Variants in CPA3 observed in about 807,000 individuals in gnomAD.
CPA3 encodes the protein carboxypeptidase A3, also known as mast cell carboxypeptidase A.
A neutral mutation model predicts 55.8 loss-of-function variants in CPA3; 52 were observed. That is an observed-to-expected ratio of 0.93 (90% CI 0.75 to 1.17). The LOEUF is 1.17. Among genes scored for constraint, CPA3 ranks in the 50% most tolerant of loss-of-function variants. CPA3 has a pLI of 0.00. For synonymous variants in CPA3, 179 were observed against 171.2 expected, an observed-to-expected ratio of 1.05 and a Z score of -0.36; for missense variants, 547 against 509.1, an observed-to-expected ratio of 1.07 and a Z score of -0.72.
intron 10 of CPA3, 47 bp from the exon 11 acceptor site, chr3:148,896,472 AC>A (rs753653232): frequency 1.1e-5 from 16 of 1,424,828 alleles, no homozygotes; most frequent in East Asian, 4.6e-5. Context: ...CTTTAAAAAA[AC>A]ATTAGCATTT....
intron 10 of CPA3, among the ~76,000 whole-genome samples, chr3:148,891,885 T>G (rs3772574): frequency 0.19 from 29,602 of 152,212 alleles, 3,260 homozygotes; most frequent in South Asian, 0.28. Flanking sequence ...CCTATTTACT[T>G]TACCTCCTTT....
chr3:148,890,626 C>A (rs1714642539), intron 10 of CPA3, among the ~76,000 whole-genome samples: 1 of 152,156 alleles, frequency 6.6e-6, no homozygotes, highest in South Asian at 2.1e-4. Context: ...CTGGCTTCAG[C>A]TCTTGCTTCT....
intron 10 of CPA3, among the ~76,000 whole-genome samples, chr3:148,887,224 G>A (rs1391849709): frequency 1.3e-5 from 2 of 152,152 alleles, no homozygotes; most frequent in African/African-American, 4.8e-5. Flanking sequence ...AACGGCCATA[G>A]ACAATAAGTC....
Position 148,879,909 on chromosome 3 carries a change from C to T in CPA3, c.576+20C>T. ...TATCAGGTAAGTGAATCAGAAGACT[C>T]CCAATTCTCCTTTGACTGCCAAGTC... On this transcript the variant is annotated intron_variant, in intron 6 of 10. Transcript: ENST00000296046. 6.5e-7 allele frequency: 1 copy of T among 1,527,376 alleles called. No homozygotes were observed. The highest frequency in any genetic ancestry group is 9.1e-7 in the Non-Finnish European group (1 of 1,102,022). 94.6% of individuals were successfully genotyped at this position (1,527,376 alleles called of 1,614,324 possible).
intron 10 of CPA3, among the ~76,000 whole-genome samples, chr3:148,891,481 TAC>T (rs3046005): frequency 0.51 from 74,331 of 146,522 alleles, 18,593 homozygotes; most frequent in South Asian, 0.65. Context: ...CCCTGTCACA[TAC>T]ACACACACAC....
chr3:148,878,215 G>A (rs1714261026), intron 3 of CPA3, among the ~76,000 whole-genome samples: 1 of 152,024 alleles, frequency 6.6e-6, no homozygotes, highest in Admixed American at 6.6e-5. Context: ...TATGCACTTG[G>A]GGCTAGAGAC....
At chr3:148,868,141 C>T (rs996556241) in intron 2 of CPA3, among the ~76,000 whole-genome samples, 3 of 152,164 alleles carry the variant, frequency 2.0e-5, no homozygotes, top group Non-Finnish European at 4.4e-5. Context: ...GTGATCCGCA[C>T]CTCAGCCTTC....
At chr3:148,870,969 G>A (rs1714049224) in intron 3 of CPA3, among the ~76,000 whole-genome samples, 1 of 152,112 alleles carries the variant, frequency 6.6e-6, no homozygotes, top group Admixed American at 6.6e-5. Context: ...CGCAATCTGG[G>A]TTCACTGCAA....
chr3:148,875,445 G>A (rs1001608499), intron 3 of CPA3, among the ~76,000 whole-genome samples: 2 of 152,006 alleles, frequency 1.3e-5, no homozygotes, highest in African/African-American at 4.8e-5. Context: ...TATTGAATAT[G>A]GTTTACCTTT....
chr3:148,888,452 G>A (rs891882780), intron 10 of CPA3, among the ~76,000 whole-genome samples: 3 of 152,168 alleles, frequency 2.0e-5, no homozygotes, highest in Admixed American at 2.0e-4. Flanking sequence ...AGCCATGCTG[G>A]GGACTCATTA....
At chr3:148,891,933 T>C (rs1490811523) in intron 10 of CPA3, among the ~76,000 whole-genome samples, 1 of 152,244 alleles carries the variant, frequency 6.6e-6, no homozygotes, top group African/African-American at 2.4e-5. Flanking sequence ...TTCTTTCTCA[T>C]GAACTTAAAT....
At chr3:148,873,550 G>T (rs1714128576) in intron 3 of CPA3, among the ~76,000 whole-genome samples, 1 of 152,136 alleles carries the variant, frequency 6.6e-6, no homozygotes, top group South Asian at 2.1e-4. Context: ...CCCTGACCTT[G>T]GGACACAGAC....
At chr3:148,876,341 T>G (rs1714203955) in intron 3 of CPA3, among the ~76,000 whole-genome samples, 1 of 151,998 alleles carries the variant, frequency 6.6e-6, no homozygotes, top group Admixed American at 6.6e-5. Context: ...AATCCCATTT[T>G]TTCTGATCAT....
rs751830747 is a variant in CPA3, at chr3:148,865,318, T to C, written c.11T>C (p.Ile4Thr). MRL[I>T]LPVGLIATTL... ...AGGCAAAGAAGAACCATGAGGCTCA[T>C]CCTGCCTGTGGGTTTGATTGCTACC... The change falls in exon 1 of 11, where the codon ATC becomes ACC. Residue 4 changes from isoleucine (I) to threonine (T), a missense_variant. Ile to Thr is a moderately conservative substitution (Grantham distance 89). Transcript: ENST00000296046. 1.9e-6 allele frequency: 3 copies of C among 1,614,146 alleles called. No individual in the cohort carries two copies. In the Admixed American group the frequency reaches 5.0e-5, roughly 27 times the overall value.
At chr3:148,866,920 C>A (rs1198546818) in intron 2 of CPA3, among the ~76,000 whole-genome samples, 1 of 152,048 alleles carries the variant, frequency 6.6e-6, no homozygotes, top group Non-Finnish European at 1.5e-5. Flanking sequence ...CCATCCCCGG[C>A]TAATTTTTGT....
intron 9 of CPA3, among the ~76,000 whole-genome samples, chr3:148,885,100 G>C (rs979537595): frequency 5.3e-5 from 8 of 152,066 alleles, no homozygotes. Flanking sequence ...CTCTGAAAGA[G>C]ACACCCTAAT....
intron 3 of CPA3, among the ~76,000 whole-genome samples, chr3:148,877,075 A>G (rs551139041): frequency 6.6e-6 from 1 of 152,338 alleles, no homozygotes; most frequent in Non-Finnish European, 1.5e-5. Flanking sequence ...TGAAAACGTC[A>G]TGTAGGCAGT....
chr3:148,870,936 T>C (rs1418417044), intron 3 of CPA3, among the ~76,000 whole-genome samples: 1 of 152,244 alleles, frequency 6.6e-6, no homozygotes, highest in Non-Finnish European at 1.5e-5. Flanking sequence ...TCTCGCTCTG[T>C]CACCCAGACT....
intron 6 of CPA3, among the ~76,000 whole-genome samples, chr3:148,881,097 GC>G (rs1714349881): frequency 6.6e-6 from 1 of 151,960 alleles, no homozygotes; most frequent in Non-Finnish European, 1.5e-5. Context: ...ATTTAATCCT[GC>G]TTATAACTAT....
Sources: gnomAD v4.1 joint callset for allele counts (sites outside exome capture counted in the v4.1 genomes callset) on GRCh38, gnomAD v4.1.1 for gene constraint, MANE v1.5 for transcripts, NCBI Gene and HGNC (gene_info 2026-07-23, HGNC 2026-07-21) for gene names.